The following RARS1 variants were observed in gnomAD, a reference collection of about 807,000 sequenced individuals.
RARS1 encodes the protein arginine--tRNA ligase, cytoplasmic.
Under a neutral mutation model 78.7 loss-of-function variants are expected in RARS1, and 75 were observed. The ratio of observed to expected loss-of-function variants is 0.95; its 90% CI spans 0.79 to 1.15. RARS1 has a LOEUF of 1.15. Ranked by LOEUF, RARS1 falls within the 50% of genes most tolerant of loss-of-function variation. The pLI, the probability that RARS1 is intolerant of heterozygous loss-of-function variation, is 0.00. For synonymous variants in RARS1, 273 were observed against 268.2 expected, an observed-to-expected ratio of 1.02 and a Z score of -0.18; for missense variants, 787 against 787.5, an observed-to-expected ratio of 1.00 and a Z score of 0.01.
At chr5:168,514,681 T>C (rs1418047689) in intron 12 of RARS1, among the ~76,000 whole-genome samples, 1 of 152,234 alleles carries the variant, frequency 6.6e-6, no homozygotes. Context: ...GAAATTAACA[T>C]TGATACAATA....
intron 5 of RARS1, 46 bp downstream of exon 5, chr5:168,494,696 G>A (rs756630904): frequency 5.4e-5 from 71 of 1,309,700 alleles, no homozygotes; most frequent in Middle Eastern, 2.4e-4. Flanking sequence ...TTAGAACTGC[G>A]TGGAACCAAG....
At chr5:168,502,760 C>T (rs1758358540) in intron 9 of RARS1, among the ~76,000 whole-genome samples, 1 of 150,648 alleles carries the variant, frequency 6.6e-6, no homozygotes, top group Non-Finnish European at 1.5e-5. Context: ...TTAATGGAGA[C>T]AGGGTTCCAC....
chr5:168,489,796 A>G (rs1368297820), intron 2 of RARS1, among the ~76,000 whole-genome samples: 1 of 150,252 alleles, frequency 6.7e-6, no homozygotes, highest in Non-Finnish European at 1.5e-5. Context: ...CACTCCCATG[A>G]CATCTCTCAT....
At position 168,502,164 on chromosome 5, in the gene RARS1, A is replaced by G. The variant is rs1192717120; in HGVS notation, c.1057+59A>G. On this transcript the variant is annotated intron_variant, in intron 9 of 14. Transcript: ENST00000231572. ...AATTTTCAAACATAGGCAAAAGTGG[A>G]TAGAATTTATAGTAATGCCAGCTTC... 3.0e-5 allele frequency: 47 copies of G among 1,554,894 alleles called. No individual in the cohort carries two copies. The East Asian group carries it at 1.0e-3, about 34-fold the overall frequency.
In RARS1 at chr5:168,506,115, T is replaced by C. The variant is rs1758439043; in HGVS notation, c.1152T>C (p.Tyr384=). ...TIVKSDGGYT[Y]DTSDLAAIKQ... ...TAAAATCAGATGGAGGTTATACCTA[T>C]GATACATCTGACCTGGCTGCTATTA... The change falls in exon 10 of 15, where the codon TAT becomes TAC. Residue 384 remains tyrosine, a synonymous_variant. Transcript: ENST00000231572. 6.2e-7 allele frequency: 1 copy of C among 1,602,778 alleles called. No individual in the cohort carries two copies. Among genetic ancestry groups the C allele is most frequent in the Admixed American group, 1.7e-5 (1 of 58,548 alleles).
intron 5 of RARS1, chr5:168,495,002 ATT>A (rs35237798): frequency 8.5e-3 from 2,180 of 257,334 alleles, no homozygotes; most frequent in East Asian, 0.037. Context: ...ATGTTGTGTG[ATT>A]TTTTTTTTTT....
chr5:168,488,843 A>G lies in RARS1; in HGVS notation c.180+107A>G, dbSNP rs114671846. 1,007 of 1,302,258 alleles carry G rather than the reference A, an allele frequency of 7.7e-4. 6 individuals are homozygous for G. In the African/African-American group the frequency reaches 0.012, roughly 16 times the overall value. 80.7% of individuals were successfully genotyped at this position (1,302,258 alleles called of 1,614,324 possible). On this transcript the variant is annotated intron_variant, in intron 2 of 14. Coordinates refer to ENST00000231572, the MANE Select transcript of RARS1 (RefSeq NM_002887.4). ...AAGTATATCCTATGGAATTTGGAAAAGAAGCATAGAAACCCTATTCTTTTC... is the reference window on the plus strand; with the variant it reads ...AAGTATATCCTATGGAATTTGGAAAGGAAGCATAGAAACCCTATTCTTTTC...
intron 6 of RARS1, 46 bp downstream of exon 6, chr5:168,495,482 G>A (rs779719186): frequency 6.3e-7 from 1 of 1,577,676 alleles, no homozygotes; most frequent in Non-Finnish European, 8.6e-7. Context: ...TTATTTTCTT[G>A]TTTGGAAAAT....
rs746720045 is a variant in RARS1, at chr5:168,495,496, A to G, written c.701+60A>G. ...CTTATTTTCTTGTTTGGAAAATTCT[A>G]TAGAACATGGAATATCTCACTCAAG... On this transcript the variant is annotated intron_variant, in intron 6 of 14. Transcript: ENST00000231572. 10 of 1,566,986 alleles carry G rather than the reference A, an allele frequency of 6.4e-6. No individual in the cohort carries two copies. The African/African-American group carries it at 1.2e-4, about 19-fold the overall frequency.
chr5:168,518,111 T>C, intron 14 of RARS1, 49 bp downstream of exon 14: 1 of 1,375,596 alleles, frequency 7.3e-7, no homozygotes, highest in Non-Finnish European at 9.3e-7. Flanking sequence ...GAGACACGGA[T>C]CTTGCTCTGT....
intron 12 of RARS1, 73 bp downstream of exon 12, chr5:168,510,759 CTGAGGAGAAGTG>C (rs1758548429): frequency 4.4e-6 from 5 of 1,141,436 alleles, no homozygotes; most frequent in Non-Finnish European, 1.2e-6. Context: ...ATTGAGAGAA[CTGAGGAGAAGTG>C]TGAGGAGTCA....
At chr5:168,487,419 G>C (rs571915010) in intron 1 of RARS1, among the ~76,000 whole-genome samples, 1 of 152,216 alleles carries the variant, frequency 6.6e-6, no homozygotes, top group East Asian at 1.9e-4. Context: ...TTATGCCCAG[G>C]TGGGGAGGGA....
In RARS1 at chr5:168,506,795, TC is replaced by T; in HGVS notation, c.1312del (p.His438MetfsTer8). On this transcript the variant is annotated frameshift_variant, in exon 11 of 15. Transcript: ENST00000231572. LOFTEE classifies it high-confidence loss of function. ...GWYDPKVTRV[F>X]HAGFGVVLGE... ...TATGACCCTAAAGTAACTCGAGTCT[TC>T]CATGCTGGATTTGGTGTGGTGCTAG... The T allele has an allele frequency of 3.7e-6, 6 of 1,613,744 alleles. No homozygotes were observed. The highest frequency in any genetic ancestry group is 5.1e-6 in the Non-Finnish European group (6 of 1,179,654).
Position 168,518,071 on chromosome 5 carries a change from C to CTTTTTTTTTTTTT in RARS1, c.1873+21_1873+33dup, listed in dbSNP as rs747777615. ...GAAAGATAGACAGACTGGTGAGTGT[C>CTTTTTTTTTTTTT]TTTTTTTTTTTTTTTTTTTTTTTTA... On this transcript the variant is annotated intron_variant, in intron 14 of 14. Transcript: ENST00000231572. 3.7e-3 allele frequency: 2,803 copies of CTTTTTTTTTTTTT among 748,080 alleles called. 375 individuals carry two copies. The highest frequency in any genetic ancestry group is 6.8e-3 in the East Asian group (50 of 7,346). The allele number at this position is 748,080 out of a possible 1,614,324, so 46.3% of individuals were successfully genotyped here.
At chr5:168,511,049 A>G (rs1216929238) in intron 12 of RARS1, among the ~76,000 whole-genome samples, 1 of 152,136 alleles carries the variant, frequency 6.6e-6, no homozygotes, top group East Asian at 1.9e-4. Context: ...GCATTTGTAG[A>G]GTGGTCATAG....
At chr5:168,501,210 T>C (rs1435887594) in intron 8 of RARS1, among the ~76,000 whole-genome samples, 2 of 152,192 alleles carry the variant, frequency 1.3e-5, no homozygotes, top group African/African-American at 2.4e-5. Context: ...GAACAACCAG[T>C]AGATCTTTGA....
Position 168,502,040 on chromosome 5 carries a change from TAGAG to T in RARS1, c.997_1000del (p.Arg333GlyfsTer9), listed in dbSNP as rs768853195. ...TATGATGCATTGGACGTCTCTTTAA[TAGAG>T]AGAGGGGAATCCTTCTATCAAGATA... On this transcript the variant is annotated frameshift_variant, in exon 9 of 15. Transcript: ENST00000231572. LOFTEE classifies it high-confidence loss of function. The T allele has an allele frequency of 6.2e-7, 1 of 1,602,632 alleles. No homozygotes were observed. Among genetic ancestry groups the T allele is most frequent in the African/African-American group, 1.3e-5 (1 of 74,334 alleles).
At chr5:168,498,398 C>A (rs6873664) in intron 7 of RARS1, among the ~76,000 whole-genome samples, 24,368 of 152,044 alleles carry the variant, frequency 0.16, 2,457 homozygotes, top group East Asian at 0.52. Flanking sequence ...GACAAATTTT[C>A]ACATCATCCA....
intron 2 of RARS1, among the ~76,000 whole-genome samples, chr5:168,490,075 A>G (rs1447499336): frequency 6.6e-6 from 1 of 152,194 alleles, no homozygotes; most frequent in East Asian, 1.9e-4. Flanking sequence ...CGCCTTCCCA[A>G]AGTGCTGGGA....
Sources: allele counts gnomAD v4.1 joint callset (sites outside exome capture counted in the v4.1 genomes callset), GRCh38; gene constraint gnomAD v4.1.1; transcripts MANE v1.5; gene names NCBI Gene and HGNC (gene_info 2026-07-23, HGNC 2026-07-21).